The following CAMK1D variants were observed in gnomAD, a reference collection of about 807,000 sequenced individuals.
CAMK1D encodes calcium/calmodulin-dependent protein kinase type 1D.
In CAMK1D, 9 loss-of-function variants were observed where a neutral mutation model predicts 47.7. That is an observed-to-expected ratio of 0.19 (90% CI 0.11 to 0.33). The LOEUF (loss-of-function observed/expected upper bound fraction) is 0.33. CAMK1D is among the 10% of genes least tolerant of loss of function. CAMK1D has a pLI of 1.00. For missense variants in CAMK1D, 291 were observed against 488.7 expected (o/e 0.60, Z 3.81); for synonymous variants, 184 against 184.9 (o/e 0.99, Z 0.04).
In CAMK1D at chr10:12,816,362, A is replaced by G. The variant is rs1383642022; in HGVS notation, c.833+34A>G. On this transcript the variant is annotated intron_variant, in intron 8 of 10. Coordinates refer to ENST00000619168, the MANE Select transcript of CAMK1D (RefSeq NM_153498.4). ...ATGCACCCGCTCAGCAGACCGTGCC[A>G]TTTAATGCCATCTGGGGGGGGCACG... The G allele has an allele frequency of 4.4e-6, 7 of 1,574,580 alleles. No homozygotes were observed. The East Asian group carries it at 1.3e-4, about 30-fold the overall frequency.
intron 1 of CAMK1D, among the ~76,000 whole-genome samples, chr10:12,351,607 C>T (rs1366565699): frequency 6.6e-6 from 1 of 152,200 alleles, no homozygotes; most frequent in Admixed American, 6.5e-5. Flanking sequence ...GTGACTGATG[C>T]CCTGTCCCCT....
chr10:12,575,722 A>G (rs1432610603), intron 2 of CAMK1D, among the ~76,000 whole-genome samples: 1 of 152,236 alleles, frequency 6.6e-6, no homozygotes, highest in Non-Finnish European at 1.5e-5. Flanking sequence ...ACTCATTCCC[A>G]GGGACCCGTG....
At position 12,661,572 on chromosome 10, in the gene CAMK1D, G is replaced by A. The variant is rs542364452; in HGVS notation, c.225-5164G>A. 3.9e-3 allele frequency among the ~76,000 whole-genome samples: 593 copies of A among 152,248 alleles called. 7 individuals are homozygous for A. Among genetic ancestry groups the A allele is most frequent in the African/African-American group, 0.013 (547 of 41,538 alleles). On this transcript the variant is annotated intron_variant, in intron 2 of 10. Coordinates refer to ENST00000619168, the MANE Select transcript of CAMK1D (RefSeq NM_153498.4). ...TCTTAACACATAGTTAACAATAAAT[G>A]GTACAATAAAACAGCAATGTAAGCA...
intron 1 of CAMK1D, among the ~76,000 whole-genome samples, chr10:12,394,063 C>T (rs913381062): frequency 1.3e-5 from 2 of 152,224 alleles, no homozygotes; most frequent in African/African-American, 4.8e-5. Context: ...GTGCTTTTGG[C>T]CGACTGGCCA....
chr10:12,481,210 T>G (rs992611759), intron 1 of CAMK1D, among the ~76,000 whole-genome samples: 1 of 152,166 alleles, frequency 6.6e-6, no homozygotes, highest in African/African-American at 2.4e-5. Context: ...TATTGTGGTG[T>G]TAGAACCCAA....
chr10:12,641,699 G>T (rs1839671537), intron 2 of CAMK1D, among the ~76,000 whole-genome samples: 1 of 152,074 alleles, frequency 6.6e-6, no homozygotes. Flanking sequence ...GTTGGTCCTT[G>T]ACAGATACTA....
chr10:12,744,159 A>G (rs187101998), intron 3 of CAMK1D, among the ~76,000 whole-genome samples: 302 of 152,292 alleles, frequency 2.0e-3, no homozygotes, highest in Non-Finnish European at 2.7e-3. Flanking sequence ...TTGTATCAGT[A>G]CTGCGTTTCT....
chr10:12,814,538 G>A (rs920789880), intron 7 of CAMK1D, among the ~76,000 whole-genome samples: 2 of 152,174 alleles, frequency 1.3e-5, no homozygotes, highest in Non-Finnish European at 2.9e-5. Context: ...AGCACATTGA[G>A]CATCTGGTGA....
chr10:12,761,551 TAGAAGAGGG>T (rs1267745404), intron 4 of CAMK1D, among the ~76,000 whole-genome samples: 1 of 151,790 alleles, frequency 6.6e-6, no homozygotes, highest in Non-Finnish European at 1.5e-5. Context: ...TAAGCAGATA[TAGAAGAGGG>T]AGAAGAGAAA....
chr10:12,814,468 C>G (rs1832724435), intron 7 of CAMK1D, among the ~76,000 whole-genome samples, 161 bp downstream of exon 7: 1 of 152,150 alleles, frequency 6.6e-6, no homozygotes, highest in Non-Finnish European at 1.5e-5. Context: ...CTGGGTGGCT[C>G]AAACAGCAAA....
At chr10:12,693,955 A>C (rs867349743) in intron 3 of CAMK1D, among the ~76,000 whole-genome samples, 11 of 63,702 alleles carry the variant, frequency 1.7e-4, no homozygotes, top group Admixed American at 1.4e-3. Context: ...TATAATATAT[A>C]TTATATATAA....
intron 3 of CAMK1D, among the ~76,000 whole-genome samples, chr10:12,734,430 ATATACACACACACATATGTG>A (rs1383570370): frequency 0.039 from 1,477 of 38,264 alleles, 152 homozygotes; most frequent in African/African-American, 0.11. Context: ...ATGTATATAT[ATATACACACACACATATGTG>A]TATATATACA....
intron 2 of CAMK1D, among the ~76,000 whole-genome samples, chr10:12,619,093 A>G (rs1838911210): frequency 6.6e-6 from 1 of 152,232 alleles, no homozygotes; most frequent in African/African-American, 2.4e-5. Context: ...AGCTCAATAA[A>G]TGCTTTTGAA....
At chr10:12,432,954 G>C (rs1047827048) in intron 1 of CAMK1D, among the ~76,000 whole-genome samples, 1 of 152,218 alleles carries the variant, frequency 6.6e-6, no homozygotes, top group Non-Finnish European at 1.5e-5. Flanking sequence ...CGGGATTAGA[G>C]TAAATGCCAG....
chr10:12,758,785 G>A (rs1393189714), intron 3 of CAMK1D, among the ~76,000 whole-genome samples: 1 of 152,126 alleles, frequency 6.6e-6, no homozygotes, highest in South Asian at 2.1e-4. Context: ...AGGAGGTGGT[G>A]GGAGCAGTGG....
chr10:12,734,366 A>C (rs545346134), intron 3 of CAMK1D, among the ~76,000 whole-genome samples: 1,065 of 19,700 alleles, frequency 0.054, 154 homozygotes, highest in South Asian at 0.15. Context: ...ATATATATAT[A>C]TATATATATA....
At chr10:12,572,023 A>C (rs1837342406) in intron 2 of CAMK1D, among the ~76,000 whole-genome samples, 1 of 140,806 alleles carries the variant, frequency 7.1e-6, no homozygotes, top group Admixed American at 7.5e-5. Flanking sequence ...GATAGAAAGC[A>C]GCACCCAAAA....
intron 3 of CAMK1D, among the ~76,000 whole-genome samples, chr10:12,742,495 A>G (rs1835476336): frequency 6.6e-6 from 1 of 152,246 alleles, no homozygotes; most frequent in South Asian, 2.1e-4. Flanking sequence ...AATGATTTTC[A>G]GTAAATTGGC....
At chr10:12,816,144 C>T (rs1832783056) in intron 7 of CAMK1D, 106 bp from the exon 8 acceptor site, 1 of 813,012 alleles carries the variant, frequency 1.2e-6, no homozygotes, top group Non-Finnish European at 2.0e-6. Context: ...GGGCTGGTCT[C>T]ATATTTTTCA....
Sources: allele counts gnomAD v4.1 joint callset (sites outside exome capture counted in the v4.1 genomes callset), GRCh38; gene constraint gnomAD v4.1.1; transcripts MANE v1.5; gene names NCBI Gene and HGNC (gene_info 2026-07-23, HGNC 2026-07-21).